The following C5orf24 variants were observed in gnomAD, a reference collection of about 807,000 sequenced individuals.
C5orf24 encodes UPF0461 protein C5orf24.
Under a neutral mutation model 9.8 loss-of-function variants are expected in C5orf24, and 4 were observed. That is an observed-to-expected ratio of 0.41 (90% confidence interval 0.20 to 0.93). The LOEUF (loss-of-function observed/expected upper bound fraction) is 0.93. Among genes scored for constraint, C5orf24 ranks in the 40% least tolerant of loss-of-function variants. The pLI is 0.33. For missense variants in C5orf24, 170 were observed against 236.9 expected (o/e 0.72, Z 1.85); for synonymous variants, 73 against 81.3 (o/e 0.90, Z 0.55).
Position 134,858,954 on chromosome 5 carries a change from T to C in C5orf24, c.*3487T>C, listed in dbSNP as rs573419421. On this transcript the variant is annotated 3_prime_UTR_variant, in exon 2 of 2. Transcript: ENST00000394976. The stretch of plus-strand genomic sequence containing the variant: ...CAAAGTAATATTGATTCCAAACTGA[T>C]GTTTGTGTGAATTTACATGTCTATT... 22 of 167,098 alleles carry C rather than the reference T, an allele frequency of 1.3e-4. No homozygotes were observed. Among genetic ancestry groups the C allele is most frequent in the African/African-American group, 5.3e-4 (22 of 41,574 alleles). The allele number at this position is 167,098 out of a possible 1,614,324, so 10.4% of individuals were successfully genotyped here.
the C5orf24 span, among the ~76,000 whole-genome samples, chr5:134,833,863 TTTGA>T: frequency 6.6e-6 from 1 of 152,150 alleles, no homozygotes; most frequent in Non-Finnish European, 1.5e-5. Flanking sequence ...GGAATTTACT[TTTGA>T]TTATTTGTCT....
chr5:134,836,817 C>T, the C5orf24 span, among the ~76,000 whole-genome samples: 2 of 151,714 alleles, frequency 1.3e-5, no homozygotes, highest in South Asian at 2.1e-4. Context: ...GCTGGGATTG[C>T]GGGCATGAGC....
chr5:134,855,544 T>A lies in C5orf24; in HGVS notation c.*77T>A. 2 of 1,554,902 alleles carry A rather than the reference T, an allele frequency of 1.3e-6. No individual in the cohort carries two copies. The highest frequency in any genetic ancestry group is 1.7e-6 in the Non-Finnish European group (2 of 1,157,096). On this transcript the variant is annotated 3_prime_UTR_variant, in exon 2 of 2. Coordinates refer to ENST00000394976, the MANE Select transcript of C5orf24 (RefSeq NM_001135586.1). ...AAAGCTTCTTGGTTTTATTTTGATA[T>A]ACATAATTTTATGGCCTGGGCTTTC...
In C5orf24 at chr5:134,847,152, TTA is replaced by T. The variant is rs1313417408; in HGVS notation, c.-4+941_-4+942del. On this transcript the variant is annotated intron_variant, in intron 1 of 1. Coordinates refer to ENST00000394976, the MANE Select transcript of C5orf24 (RefSeq NM_001135586.1). ...AACGGCTCATTTTAGGGGTTAAACT[TTA>T]GGAGTTAAACACAATAAAACAACTT... Among the ~76,000 whole-genome samples, 3 of 152,306 alleles carry T rather than the reference TTA, an allele frequency of 2.0e-5. No individual in the cohort carries two copies. In the East Asian group the frequency reaches 5.8e-4, roughly 29 times the overall value.
rs1443827509 is a variant in C5orf24 at position 134,857,672 on chromosome 5, A to T, written c.*2205A>T. 1 of 337,560 alleles carries T rather than the reference A, an allele frequency of 3.0e-6. No individual in the cohort carries two copies. The highest frequency in any genetic ancestry group is 5.5e-6 in the Non-Finnish European group (1 of 181,254). 20.9% of individuals were successfully genotyped at this position (337,560 alleles called of 1,614,324 possible). On this transcript the variant is annotated 3_prime_UTR_variant, in exon 2 of 2. Transcript: ENST00000394976. ...GACACACACAAATGCTTGCCTCTTT[A>T]TTCATATGTTCGTTACCTACTCTGT...
the C5orf24 span, among the ~76,000 whole-genome samples, chr5:134,834,556 T>A: frequency 7.3e-3 from 1,113 of 152,328 alleles, 6 homozygotes; most frequent in South Asian, 0.012. Context: ...CAGGGCTGGA[T>A]GCTTGGGAGC....
At chr5:134,853,360 TAAAA>T (rs397884485) in intron 1 of C5orf24, among the ~76,000 whole-genome samples, 6 of 76,998 alleles carry the variant, frequency 7.8e-5, no homozygotes, top group Non-Finnish European at 1.3e-4. Context: ...AAACTCCACC[TAAAA>T]AAAAAAAAAA....
chr5:134,839,186 G>A, the C5orf24 span, among the ~76,000 whole-genome samples: 1 of 148,654 alleles, frequency 6.7e-6, no homozygotes, highest in Non-Finnish European at 1.5e-5. Context: ...TGGCAACAGA[G>A]CAAGACCCTG....
chr5:134,842,995 T>C (rs904543352), upstream of C5orf24, among the ~76,000 whole-genome samples: 7 of 152,142 alleles, frequency 4.6e-5, no homozygotes, highest in African/African-American at 1.7e-4. Flanking sequence ...ATTTTTTTTT[T>C]TTTTGAGACA....
chr5:134,840,579 T>G, the C5orf24 span, among the ~76,000 whole-genome samples: 7 of 152,120 alleles, frequency 4.6e-5, no homozygotes, highest in East Asian at 1.9e-4. Context: ...TGTCATTCAA[T>G]CTGAAGTACA....
At chr5:134,846,507 G>A (rs1756000391) in intron 1 of C5orf24, 1 of 152,226 alleles carries the variant, frequency 6.6e-6, no homozygotes, top group South Asian at 2.1e-4. Context: ...TCGGCGTCGC[G>A]ATGGAGTGCC....
upstream of C5orf24, chr5:134,845,786 A>T (rs2150170862): frequency 6.6e-6 from 1 of 152,394 alleles, no homozygotes; most frequent in East Asian, 1.9e-4. Context: ...AACCCCAGCC[A>T]CTGGGGACGG....
chr5:134,856,810 C>G lies in C5orf24; in HGVS notation c.*1343C>G, dbSNP rs1423178193. 4 of 1,000,102 alleles carry G rather than the reference C, an allele frequency of 4.0e-6. No homozygotes were observed. The East Asian group carries it at 4.5e-4, about 113-fold the overall frequency. The allele number at this position is 1,000,102 out of a possible 1,614,324, so 62.0% of individuals were successfully genotyped here. On this transcript the variant is annotated 3_prime_UTR_variant, in exon 2 of 2. Coordinates refer to ENST00000394976, the MANE Select transcript of C5orf24 (RefSeq NM_001135586.1). ...CAAAGGACACAAATTGAATGGTAGA[C>G]TGTAAAACTGGTATAAACAGAATGC...
chr5:134,850,935 TATAC>T (rs1288247409), intron 1 of C5orf24, among the ~76,000 whole-genome samples: 5 of 147,316 alleles, frequency 3.4e-5, no homozygotes, highest in Admixed American at 6.8e-5. Flanking sequence ...TATATATATA[TATAC>T]ACACACACAC....
At chr5:134,846,914 A>T (rs961337621) in intron 1 of C5orf24, 4 of 152,192 alleles carry the variant, frequency 2.6e-5, no homozygotes, top group African/African-American at 9.7e-5. Context: ...GATTATACAT[A>T]ATAGTTAGTC....
intron 1 of C5orf24, among the ~76,000 whole-genome samples, chr5:134,849,645 G>GAC (rs1756100143): frequency 1.6e-5 from 1 of 61,256 alleles, no homozygotes; most frequent in African/African-American, 5.7e-5. Flanking sequence ...TTAAGTCAGT[G>GAC]TCTTTTTTTT....
At chr5:134,843,919 G>A (rs894154701), upstream of C5orf24, among the ~76,000 whole-genome samples, 3 of 152,166 alleles carry the variant, frequency 2.0e-5, no homozygotes, top group Non-Finnish European at 2.9e-5. Context: ...GGAAGACATT[G>A]TCTTAATTTC....
upstream of C5orf24, among the ~76,000 whole-genome samples, chr5:134,842,747 G>A (rs1755918554): frequency 6.6e-6 from 1 of 152,108 alleles, no homozygotes; most frequent in African/African-American, 2.4e-5. Context: ...GTGCTTCTGT[G>A]AAATATCTCC....
At chr5:134,850,994 ATATTTATTTATTTATTTATT>A (rs34043118) in intron 1 of C5orf24, among the ~76,000 whole-genome samples, 5 of 147,598 alleles carry the variant, frequency 3.4e-5, no homozygotes, top group Admixed American at 2.0e-4. Context: ...AGAAATACAT[ATATTTATTTATTTATTTATT>A]TATTTATTTA....
Sources: gnomAD v4.1 joint callset for allele counts (sites outside exome capture counted in the v4.1 genomes callset) on GRCh38, gnomAD v4.1.1 for gene constraint, MANE v1.5 for transcripts, NCBI Gene and HGNC (gene_info 2026-07-23, HGNC 2026-07-21) for gene names.